Variants in CAMTA1 observed in about 807,000 individuals in gnomAD.
CAMTA1 encodes calmodulin-binding transcription activator 1.
In CAMTA1, 27 loss-of-function variants were observed where a neutral mutation model predicts 170.9. That is an observed-to-expected ratio of 0.16 (90% CI 0.12 to 0.22). The LOEUF (loss-of-function observed/expected upper bound fraction) is 0.22, where lower values mean the gene tolerates loss of function less well. Among genes scored for constraint, CAMTA1 ranks in the 10% least tolerant of loss-of-function variants. The pLI is 1.00. For missense variants in CAMTA1, 1,619 were observed against 2,217.2 expected (o/e 0.73, Z 5.42); for synonymous variants, 833 against 891.5 (o/e 0.93, Z 1.17).
At chr1:7,355,200 C>G (rs1400148418) in intron 5 of CAMTA1, among the ~76,000 whole-genome samples, 3 of 98,534 alleles carry the variant, frequency 3.0e-5, no homozygotes, top group African/African-American at 1.2e-4. Context: ...AGCAAAACTC[C>G]GTCTCAAAAA....
At chr1:7,582,091 G>A (rs2095265953) in intron 6 of CAMTA1, among the ~76,000 whole-genome samples, 2 of 152,154 alleles carry the variant, frequency 1.3e-5, no homozygotes, top group African/African-American at 4.8e-5. Flanking sequence ...TTCACATCAC[G>A]CGTAGGCCAG....
At chr1:6,896,421 G>A (rs1465259881) in intron 3 of CAMTA1, among the ~76,000 whole-genome samples, 1 of 152,196 alleles carries the variant, frequency 6.6e-6, no homozygotes, top group African/African-American at 2.4e-5. Context: ...AGCCTTCGGA[G>A]CCAGATAGCA....
intron 6 of CAMTA1, among the ~76,000 whole-genome samples, chr1:7,632,287 C>T (rs925718797): frequency 1.6e-4 from 24 of 152,234 alleles, no homozygotes; most frequent in African/African-American, 4.3e-4. Flanking sequence ...ATCCGGCTGG[C>T]GGCAGGCAGG....
chr1:7,183,103 G>A (rs1273193453), intron 4 of CAMTA1, among the ~76,000 whole-genome samples: 1 of 152,208 alleles, frequency 6.6e-6, no homozygotes, highest in Non-Finnish European at 1.5e-5. Flanking sequence ...AGGCTGTACA[G>A]GAAGCATGGT....
intron 1 of CAMTA1, among the ~76,000 whole-genome samples, chr1:6,796,595 T>C (rs1642573023): frequency 6.6e-6 from 1 of 152,256 alleles, no homozygotes; most frequent in Non-Finnish European, 1.5e-5. Context: ...TTGACATATT[T>C]TAAATAACTT....
At chr1:7,595,697 G>C (rs2095394529) in intron 6 of CAMTA1, among the ~76,000 whole-genome samples, 1 of 152,210 alleles carries the variant, frequency 6.6e-6, no homozygotes, top group Admixed American at 6.5e-5. Flanking sequence ...GCCCAGGCTG[G>C]TTAATAAGAA....
In CAMTA1 at chr1:7,745,855, A is replaced by G; in HGVS notation, c.4381A>G (p.Asn1461Asp). Reference sequence around the variant, plus strand: ...CTCCTCTTGTTTCAGAAGTGCATATAACGAGCCTCTAACCCCTTCTTCTAA... The same window carrying G: ...CTCCTCTTGTTTCAGAAGTGCATATGACGAGCCTCTAACCCCTTCTTCTAA... ...PSAAQIRSAY[N>D]EPLTPSSNTS... The change falls in exon 18 of 23, where the codon AAC (asparagine) becomes GAC (aspartate). Residue 1461 changes from asparagine (N) to aspartate (D), a missense_variant. This residue lies in a region of CAMTA1 where 370 missense variants were observed against 429.4 expected (regional missense o/e 0.86). Transcript: ENST00000303635. The G allele has an allele frequency of 6.2e-7, 1 of 1,614,166 alleles. No homozygotes were observed. The highest frequency in any genetic ancestry group is 8.5e-7 in the Non-Finnish European group (1 of 1,180,016).
At position 7,224,065 on chromosome 1, in the gene CAMTA1, A is replaced by G. The variant is rs1574011346; in HGVS notation, c.303-25426A>G. Among the ~76,000 whole-genome samples the G allele has an allele frequency of 6.6e-6, 1 of 152,240 alleles. No individual in the cohort carries two copies. The highest frequency in any genetic ancestry group is 2.1e-4 in the South Asian group (1 of 4,828). On this transcript the variant is annotated intron_variant, in intron 4 of 22. Transcript: ENST00000303635. This position sits in a 1 kb window ranked among gnomAD's most constrained non-coding sequence, Gnocchi z 5.2. ...ACTAATCTTAATCATAATCACTACC[A>G]TGAACCCACATGACATGCAGTTGTA...
chr1:7,120,670 G>C (rs374420140), intron 4 of CAMTA1, among the ~76,000 whole-genome samples: 10 of 152,282 alleles, frequency 6.6e-5, no homozygotes, highest in South Asian at 2.1e-4. Context: ...GATAACGCAG[G>C]GGGGATCTTA....
chr1:7,264,935 A>G (rs1330005429), intron 5 of CAMTA1, among the ~76,000 whole-genome samples: 1 of 152,220 alleles, frequency 6.6e-6, no homozygotes, highest in Non-Finnish European at 1.5e-5. Flanking sequence ...AGCCAAATAA[A>G]TACAAGTGAA....
At chr1:6,843,791 T>A (rs1221940399) in intron 3 of CAMTA1, among the ~76,000 whole-genome samples, 1 of 152,206 alleles carries the variant, frequency 6.6e-6, no homozygotes, top group Non-Finnish European at 1.5e-5. Context: ...CAAACTTTTT[T>A]ATAATTCTCT....
chr1:7,298,580 C>G (rs1031210973), intron 5 of CAMTA1, among the ~76,000 whole-genome samples: 1 of 152,118 alleles, frequency 6.6e-6, no homozygotes, highest in African/African-American at 2.4e-5. Flanking sequence ...AGGGGAAATT[C>G]TAGATTTTTG....
chr1:7,085,165 T>C (rs1640572779), intron 3 of CAMTA1, among the ~76,000 whole-genome samples: 1 of 152,176 alleles, frequency 6.6e-6, no homozygotes, highest in Non-Finnish European at 1.5e-5. Flanking sequence ...GTGCCTTGTG[T>C]TGTGGCTCAG....
intron 3 of CAMTA1, among the ~76,000 whole-genome samples, chr1:7,053,675 G>A (rs142598205): frequency 2.0e-5 from 3 of 152,162 alleles, no homozygotes; most frequent in Non-Finnish European, 2.9e-5. Flanking sequence ...GCCACTTCTC[G>A]AAGCAGGGCC....
At chr1:7,036,924 G>A (rs1446087463) in intron 3 of CAMTA1, among the ~76,000 whole-genome samples, 1 of 152,196 alleles carries the variant, frequency 6.6e-6, no homozygotes, top group African/African-American at 2.4e-5. Context: ...GGGGTTAATT[G>A]CGTGGAGGCT....
intron 5 of CAMTA1, among the ~76,000 whole-genome samples, chr1:7,362,930 A>G (rs866690563): frequency 6.6e-6 from 1 of 152,060 alleles, no homozygotes; most frequent in South Asian, 2.1e-4. Context: ...ATGGACTTGA[A>G]TAGAGCGAGT....
At chr1:7,613,188 A>G (rs2095535108) in intron 6 of CAMTA1, among the ~76,000 whole-genome samples, 3 of 152,360 alleles carry the variant, frequency 2.0e-5, no homozygotes, top group African/African-American at 4.8e-5. Flanking sequence ...TGGGATGTAG[A>G]TGAGTGTTTG....
intron 3 of CAMTA1, among the ~76,000 whole-genome samples, chr1:6,893,518 G>T (rs1477920957): frequency 4.6e-5 from 7 of 152,192 alleles, no homozygotes; most frequent in African/African-American, 1.7e-4. Context: ...GGAATAAGAG[G>T]GTGGGTAACC....
At chr1:6,874,801 C>T (rs897771463) in intron 3 of CAMTA1, among the ~76,000 whole-genome samples, 34 of 152,158 alleles carry the variant, frequency 2.2e-4, no homozygotes, top group African/African-American at 7.7e-4. Context: ...GGGACAGACC[C>T]ACCTTTTACC....
Sources: allele counts gnomAD v4.1 joint callset (sites outside exome capture counted in the v4.1 genomes callset), GRCh38; gene constraint gnomAD v4.1.1; regional missense constraint gnomAD v4.1.1; non-coding constraint Gnocchi (gnomAD v3.1); transcripts MANE v1.5; gene names NCBI Gene and HGNC (gene_info 2026-07-23, HGNC 2026-07-21).